The following LEF1 variants were observed in gnomAD, a reference collection of about 807,000 sequenced individuals.
LEF1 encodes the protein lymphoid enhancer-binding factor 1.
In LEF1, 14 loss-of-function variants were observed where a neutral mutation model predicts 51.2. That is an observed-to-expected ratio of 0.27 (90% CI 0.18 to 0.43). The LOEUF (loss-of-function observed/expected upper bound fraction) is 0.43. Among genes scored for constraint, LEF1 ranks in the 20% least tolerant of loss-of-function variants. The pLI is 1.00. For synonymous variants in LEF1, 185 were observed against 183.2 expected (o/e 1.01, Z -0.08); for missense variants, 386 against 512.0 (o/e 0.75, Z 2.37).
chr4:108,065,725 AT>A (rs886574871), intron 9 of LEF1, among the ~76,000 whole-genome samples: 2 of 152,146 alleles, frequency 1.3e-5, no homozygotes, highest in African/African-American at 4.8e-5. Flanking sequence ...TAAAAAAATT[AT>A]TTGTTAATTT....
chr4:108,056,572 A>G (rs1328083967), intron 11 of LEF1, among the ~76,000 whole-genome samples: 1 of 152,224 alleles, frequency 6.6e-6, no homozygotes, highest in African/African-American at 2.4e-5. Context: ...GCTATTTAAG[A>G]CAATGAAACC....
chr4:108,073,825 C>CG (rs1298021261), intron 8 of LEF1, among the ~76,000 whole-genome samples: 1 of 11,646 alleles, frequency 8.6e-5, no homozygotes, highest in East Asian at 0.021. Context: ...CTCTGATAAC[C>CG]CCCCCCCCTT....
intron 3 of LEF1, among the ~76,000 whole-genome samples, chr4:108,143,081 C>CA (rs1276560477): frequency 2.8e-4 from 43 of 152,260 alleles, no homozygotes; most frequent in Non-Finnish European, 1.8e-4. Context: ...AATTGGCGAA[C>CA]AAAAGCCATC....
intron 3 of LEF1, among the ~76,000 whole-genome samples, chr4:108,133,163 AG>A (rs1430265591): frequency 1.3e-5 from 2 of 151,934 alleles, no homozygotes; most frequent in Non-Finnish European, 2.9e-5. Context: ...TAGTGGAGAC[AG>A]GGTTTCACCA....
At chr4:108,089,792 A>C (rs1311185643) in intron 3 of LEF1, among the ~76,000 whole-genome samples, 1 of 152,244 alleles carries the variant, frequency 6.6e-6, no homozygotes, top group Non-Finnish European at 1.5e-5. Context: ...TACAGAGTTC[A>C]TAACTCTATG....
intron 3 of LEF1, among the ~76,000 whole-genome samples, chr4:108,154,362 A>G (rs17038683): frequency 0.045 from 6,434 of 143,960 alleles, 428 homozygotes; most frequent in African/African-American, 0.15. Flanking sequence ...TATAACACTC[A>G]CCCCAGTTTT....
intron 11 of LEF1, among the ~76,000 whole-genome samples, chr4:108,057,182 T>C (rs755399669): frequency 6.6e-6 from 1 of 152,156 alleles, no homozygotes; most frequent in Non-Finnish European, 1.5e-5. Flanking sequence ...TTACAAAAGA[T>C]AAAGAATGGA....
chr4:108,080,353 T>C (rs1011924649), intron 6 of LEF1, among the ~76,000 whole-genome samples: 2 of 152,240 alleles, frequency 1.3e-5, no homozygotes, highest in African/African-American at 4.8e-5. Flanking sequence ...GCTCTCTAGA[T>C]AAATTTGGAT....
chr4:108,147,601 A>T (rs1328531194), intron 3 of LEF1, among the ~76,000 whole-genome samples: 1 of 152,234 alleles, frequency 6.6e-6, no homozygotes, highest in Non-Finnish European at 1.5e-5. Context: ...TTGGCTTCAC[A>T]TTATTCACTA....
intron 3 of LEF1, among the ~76,000 whole-genome samples, chr4:108,161,171 C>T (rs1360679649): frequency 3.3e-5 from 5 of 152,086 alleles, no homozygotes; most frequent in East Asian, 3.9e-4. Flanking sequence ...GGCTGTCTTC[C>T]GGTTAGTGTT....
intron 3 of LEF1, among the ~76,000 whole-genome samples, chr4:108,099,575 T>C (rs1252752254): frequency 8.0e-5 from 2 of 25,138 alleles, no homozygotes; most frequent in Admixed American, 4.3e-4. Flanking sequence ...TGTGTGTATA[T>C]ATATATATAT....
chr4:108,166,287 A>T, intron 1 of LEF1: 1 of 1,536,110 alleles, frequency 6.5e-7, no homozygotes, highest in Non-Finnish European at 8.7e-7. Context: ...CCATTGGGAT[A>T]GAGAAGGCAG....
At chr4:108,086,829 T>TACACACACACAC (rs139231288) in intron 4 of LEF1, among the ~76,000 whole-genome samples, 1,929 of 149,406 alleles carry the variant, frequency 0.013, 17 homozygotes, top group East Asian at 0.028. Context: ...CACACACACT[T>TACACACACACAC]ACACACACAC....
intron 3 of LEF1, among the ~76,000 whole-genome samples, chr4:108,158,935 A>G (rs1744903598): frequency 6.6e-6 from 1 of 152,064 alleles, no homozygotes; most frequent in Admixed American, 6.5e-5. Context: ...ATACTTCAAA[A>G]GCAAGATTTT....
rs1329255666 is a variant in LEF1, at chr4:108,157,227, CAT to C, written c.414+6339_414+6340del. ...ACACACACACACACACACAAACACA[CAT>C]ATAGCTCTTTCGCCCAGGCTGGATG... On this transcript the variant is annotated intron_variant, in intron 3 of 11. Transcript: ENST00000265165. 1.3e-3 allele frequency among the ~76,000 whole-genome samples: 195 copies of C among 148,456 alleles called. 1 individual carries two copies. Among genetic ancestry groups the C allele is most frequent in the African/African-American group, 4.6e-3 (186 of 40,186 alleles).
At chr4:108,101,437 G>T (rs368137158) in intron 3 of LEF1, among the ~76,000 whole-genome samples, 4 of 152,168 alleles carry the variant, frequency 2.6e-5, no homozygotes, top group African/African-American at 9.7e-5. Flanking sequence ...TCTTTCTAGA[G>T]AATATGAAAA....
intron 4 of LEF1, among the ~76,000 whole-genome samples, chr4:108,087,055 T>C (rs1242882749): frequency 6.6e-6 from 1 of 152,170 alleles, no homozygotes; most frequent in Non-Finnish European, 1.5e-5. Context: ...TTAGGATCTT[T>C]GAAACCAGCA....
chr4:108,093,880 G>A (rs533795947), intron 3 of LEF1, among the ~76,000 whole-genome samples: 1 of 152,286 alleles, frequency 6.6e-6, no homozygotes, highest in East Asian at 1.9e-4. Context: ...ATAATACATA[G>A]TAATTACAGC....
chr4:108,164,943 C>T (rs575552377), intron 2 of LEF1, among the ~76,000 whole-genome samples, 154 bp downstream of exon 2: 1 of 152,202 alleles, frequency 6.6e-6, no homozygotes, highest in South Asian at 2.1e-4. Flanking sequence ...TAGAGGTAAG[C>T]CATAAGTTTC....
Sources: gnomAD v4.1 joint callset for allele counts (sites outside exome capture counted in the v4.1 genomes callset) on GRCh38, gnomAD v4.1.1 for gene constraint, MANE v1.5 for transcripts, NCBI Gene and HGNC (gene_info 2026-07-23, HGNC 2026-07-21) for gene names.